The following MED12L variants were observed in gnomAD, a reference collection of about 807,000 sequenced individuals.
MED12L encodes mediator complex subunit 12L.
In MED12L, 60 loss-of-function variants were observed where a neutral mutation model predicts 281.3. The ratio of observed to expected loss-of-function variants is 0.21; its 90% CI spans 0.17 to 0.26. The LOEUF (loss-of-function observed/expected upper bound fraction) is 0.26. Ranked by LOEUF, MED12L falls within the 10% of genes least tolerant of loss-of-function variation. The probability of loss-of-function intolerance (pLI) is 1.00; values close to 1 mark genes in which losing one functional copy is unlikely to be tolerated. For synonymous variants in MED12L, 974 were observed against 987.2 expected (o/e 0.99, Z 0.25); for missense variants, 2,146 against 2,680.9 (o/e 0.80, Z 4.41).
intron 16 of MED12L, chr3:151,269,760 TG>T: frequency 2.4e-6 from 1 of 421,122 alleles, no homozygotes; most frequent in Non-Finnish European, 4.6e-6. Flanking sequence ...TGAATGAGAG[TG>T]GTGATCTATT....
At chr3:151,294,480 C>T in intron 16 of MED12L, 3 of 1,614,194 alleles carry the variant, frequency 1.9e-6, no homozygotes, top group Middle Eastern at 1.6e-4. Context: ...GCCACAACAA[C>T]CCTGATGCTC....
intron 39 of MED12L, among the ~76,000 whole-genome samples, chr3:151,401,197 G>T (rs1016074859): frequency 6.6e-6 from 1 of 150,434 alleles, no homozygotes; most frequent in Non-Finnish European, 1.5e-5. Flanking sequence ...CATTTATCCT[G>T]TTGGATGTTA....
chr3:151,316,119 C>T (rs374302939), intron 16 of MED12L, among the ~76,000 whole-genome samples: 2 of 151,978 alleles, frequency 1.3e-5, no homozygotes, highest in African/African-American at 2.4e-5. Context: ...TGAGGATTGC[C>T]CTGTTCTTTG....
At chr3:151,351,778 G>C (rs1020452744) in intron 17 of MED12L, among the ~76,000 whole-genome samples, 3 of 152,118 alleles carry the variant, frequency 2.0e-5, no homozygotes, top group African/African-American at 7.2e-5. Context: ...CTTTTTAGAA[G>C]GCTTGAGGGG....
At chr3:151,141,900 C>T (rs1717081618) in intron 5 of MED12L, among the ~76,000 whole-genome samples, 1 of 152,168 alleles carries the variant, frequency 6.6e-6, no homozygotes, top group African/African-American at 2.4e-5. Flanking sequence ...TCTAGTCAGT[C>T]CTAGTAAATG....
At chr3:151,364,921 G>C (rs1353486606) in intron 21 of MED12L, 58 bp from the exon 22 acceptor site, 1 of 1,226,916 alleles carries the variant, frequency 8.2e-7, no homozygotes, top group Non-Finnish European at 1.2e-6. Flanking sequence ...AAGTGAAATA[G>C]TTTTCTAGTT....
At chr3:151,281,122 C>G (rs1427975164) in intron 16 of MED12L, among the ~76,000 whole-genome samples, 1 of 150,756 alleles carries the variant, frequency 6.6e-6, no homozygotes, top group African/African-American at 2.4e-5. Context: ...GGCACGGTGG[C>G]TCACGCATGT....
chr3:151,170,158 G>A (rs1002224628), intron 11 of MED12L, among the ~76,000 whole-genome samples: 1 of 152,224 alleles, frequency 6.6e-6, no homozygotes, highest in African/African-American at 2.4e-5. Flanking sequence ...CTTGTGGTTG[G>A]ACTGTGGTCA....
chr3:151,135,096 G>A lies in MED12L; in HGVS notation c.556+7112G>A, dbSNP rs76339595. Among the ~76,000 whole-genome samples the A allele has an allele frequency of 1.8e-3, 267 of 151,924 alleles. 3 individuals carry two copies. In the East Asian group the frequency reaches 0.04, roughly 22 times the overall value. On this transcript the variant is annotated intron_variant, in intron 5 of 44. Coordinates refer to ENST00000687756, the MANE Select transcript of MED12L (RefSeq NM_001393769.1). ...GGCTGGAGTGCATTGGTGTGATCTCGGCTCACGCCAACCTCCGCTCTCAGG... is the reference window on the plus strand; with the variant it reads ...GGCTGGAGTGCATTGGTGTGATCTCAGCTCACGCCAACCTCCGCTCTCAGG...
chr3:151,339,994 T>C (rs1751603669), intron 16 of MED12L, among the ~76,000 whole-genome samples: 1 of 152,188 alleles, frequency 6.6e-6, no homozygotes, highest in Admixed American at 6.6e-5. Flanking sequence ...GATAAATGAA[T>C]GTAGCACTTA....
intron 16 of MED12L, chr3:151,328,579 A>C: frequency 6.2e-7 from 1 of 1,613,820 alleles, no homozygotes; most frequent in Non-Finnish European, 8.5e-7. Flanking sequence ...CCGTTTTTGC[A>C]AAAACAGGTT....
intron 16 of MED12L, among the ~76,000 whole-genome samples, chr3:151,224,725 C>T (rs1445265165): frequency 6.6e-6 from 1 of 152,202 alleles, no homozygotes; most frequent in African/African-American, 2.4e-5. Context: ...ACTCACCACA[C>T]TTCTCAGAAG....
At chr3:151,203,264 C>T (rs1191873999) in intron 16 of MED12L, 1 of 151,960 alleles carries the variant, frequency 6.6e-6, no homozygotes, top group African/African-American at 2.4e-5. Flanking sequence ...TGCATATTGA[C>T]GTAGATGAAA....
rs371232509 is a variant in MED12L at position 151,275,526 on chromosome 3, A to G, written c.2251-74533A>G. On this transcript the variant is annotated intron_variant, in intron 16 of 44. Coordinates refer to ENST00000687756, the MANE Select transcript of MED12L (RefSeq NM_001393769.1). ...AAGGAATCTAATCAGATCTAAAAGC[A>G]TATGACCAGTATTTCACTTTGACTT... is the stretch of plus-strand genomic sequence containing the variant. Among the ~76,000 whole-genome samples the G allele has an allele frequency of 4.3e-4, 65 of 152,352 alleles. 1 individual carries two copies. The highest frequency in any genetic ancestry group is 1.5e-3 in the African/African-American group (63 of 41,588).
In MED12L at chr3:151,190,748, A is replaced by G. The variant is rs374945103; in HGVS notation, c.1785A>G (p.Glu595=). 64 of 1,614,028 alleles carry G rather than the reference A, an allele frequency of 4.0e-5. No individual in the cohort carries two copies. Among genetic ancestry groups the G allele is most frequent in the Non-Finnish European group, 5.3e-5 (63 of 1,180,032 alleles). The change falls in exon 14 of 45, where the codon GAA becomes GAG. Residue 595 remains glutamate, a synonymous_variant. Transcript: ENST00000687756. ...SDPNSECEKV[E]FVNLVLLFCE... is the part of the protein sequence containing the mutation. ...CAAACAGTGAATGTGAAAAGGTGGA[A>G]TTTGTGAACCTGGTGCTGCTCTTCT...
chr3:151,355,360 G>T (rs1292001820), intron 18 of MED12L, 121 bp downstream of exon 18: 8 of 634,944 alleles, frequency 1.3e-5, no homozygotes, highest in Non-Finnish European at 2.2e-5. Flanking sequence ...AAACATACTT[G>T]GAAGTATCTC....
chr3:151,242,503 G>A (rs563322688), intron 16 of MED12L, among the ~76,000 whole-genome samples: 1 of 152,188 alleles, frequency 6.6e-6, no homozygotes, highest in Non-Finnish European at 1.5e-5. Flanking sequence ...CCCAGCAGGG[G>A]CACACTGACA....
At chr3:151,263,298 C>T (rs945739970) in intron 16 of MED12L, among the ~76,000 whole-genome samples, 2 of 152,162 alleles carry the variant, frequency 1.3e-5, no homozygotes, top group Non-Finnish European at 2.9e-5. Flanking sequence ...AGTGGACCTC[C>T]CCAGAGTGTC....
At chr3:151,432,723 AT>A in intron 44 of MED12L, 28 bp from the exon 45 acceptor site, 1 of 1,592,830 alleles carries the variant, frequency 6.3e-7, no homozygotes, top group East Asian at 2.2e-5. Context: ...TGTGTCTGTA[AT>A]TTTGGTTCAA....
Sources: gnomAD v4.1 joint callset for allele counts (sites outside exome capture counted in the v4.1 genomes callset) on GRCh38, gnomAD v4.1.1 for gene constraint, MANE v1.5 for transcripts, NCBI Gene and HGNC (gene_info 2026-07-23, HGNC 2026-07-21) for gene names.